The following RPN2 variants were observed in gnomAD, a reference collection of about 807,000 sequenced individuals.
RPN2 encodes ribophorin II.
Under a neutral mutation model 71.4 loss-of-function variants are expected in RPN2, and 29 were observed. That is an observed-to-expected ratio of 0.41 (90% confidence interval 0.30 to 0.55). The LOEUF (loss-of-function observed/expected upper bound fraction) is 0.55. Ranked by LOEUF, RPN2 falls within the 20% of genes least tolerant of loss-of-function variation. RPN2 has a pLI of 0.35. For missense variants in RPN2, 726 were observed against 774.1 expected, an observed-to-expected ratio of 0.94 and a Z score of 0.74; for synonymous variants, 308 against 305.0, an observed-to-expected ratio of 1.01 and a Z score of -0.10.
At chr20:37,224,923 T>C (rs1407149130) in intron 10 of RPN2, among the ~76,000 whole-genome samples, 3 of 152,206 alleles carry the variant, frequency 2.0e-5, no homozygotes, top group East Asian at 1.9e-4. Flanking sequence ...TGTTTAAGAA[T>C]CCACTGAAGA....
chr20:37,238,376 T>C (rs1219291580), intron 16 of RPN2: 1 of 1,582,312 alleles, frequency 6.3e-7, no homozygotes, highest in Non-Finnish European at 8.6e-7. Context: ...CCTTTCTTGA[T>C]TCTCAAACCC....
chr20:37,203,976 C>G lies in RPN2; in HGVS notation c.555+16C>G, dbSNP rs1451595817. 1.3e-6 allele frequency: 2 copies of G among 1,584,112 alleles called. No homozygotes were observed. Among genetic ancestry groups the G allele is most frequent in the East Asian group, 4.5e-5 (2 of 44,762 alleles). ...GGAGATTGAGGTGTGAATCTTTTGCCAAATGCATCTCCCAGCTCCTGTCTT... is the reference window on the plus strand; with the variant it reads ...GGAGATTGAGGTGTGAATCTTTTGCGAAATGCATCTCCCAGCTCCTGTCTT... On this transcript the variant is annotated intron_variant, in intron 5 of 16. Coordinates refer to ENST00000237530, the MANE Select transcript of RPN2 (RefSeq NM_002951.5).
chr20:37,210,837 A>T (rs2146611116), intron 8 of RPN2, among the ~76,000 whole-genome samples: 1 of 151,824 alleles, frequency 6.6e-6, no homozygotes, highest in South Asian at 2.1e-4. Context: ...TGGCCTTGCT[A>T]ACATTTTATA....
intron 6 of RPN2, among the ~76,000 whole-genome samples, chr20:37,205,192 C>G (rs941907539): frequency 6.6e-6 from 1 of 152,002 alleles, no homozygotes; most frequent in African/African-American, 2.4e-5. Flanking sequence ...TTTCATCTCC[C>G]TTTCTTCCCA....
At chr20:37,184,749 G>A (rs888926826) in intron 2 of RPN2, among the ~76,000 whole-genome samples, 1 of 152,162 alleles carries the variant, frequency 6.6e-6, no homozygotes, top group African/African-American at 2.4e-5. Flanking sequence ...CTGAGATCCC[G>A]CCATTGCACT....
chr20:37,199,147 G>A lies in RPN2; in HGVS notation c.401G>A (p.Gly134Asp), dbSNP rs962763966. 6.2e-7 allele frequency: 1 copy of A among 1,614,216 alleles called. No homozygotes were observed. The highest frequency in any genetic ancestry group is 1.1e-5 in the South Asian group (1 of 91,088). Residue 134 changes from glycine to aspartate, a missense_variant, in exon 4 of 17, where the codon GGC becomes GAC. Physicochemically the swap from Gly to Asp is moderately conservative, Grantham distance 94. Transcript: ENST00000237530. ...TACCATGCAGTTGCAGCTCTAAGTGGCTTTGGCCTTCCCTTGGCATCCCAA... is the reference window on the plus strand; with the variant it reads ...TACCATGCAGTTGCAGCTCTAAGTGACTTTGGCCTTCCCTTGGCATCCCAA... ...QIYHAVAALS[G>D]FGLPLASQEA...
chr20:37,209,036 A>T (rs2067589717), intron 7 of RPN2, among the ~76,000 whole-genome samples: 1 of 152,242 alleles, frequency 6.6e-6, no homozygotes, highest in Non-Finnish European at 1.5e-5. Flanking sequence ...AACAAAGTGG[A>T]AAAAGAATTG....
chr20:37,204,708 C>T (rs781763265), intron 5 of RPN2, 59 bp from the exon 6 acceptor site: 159 of 1,594,000 alleles, frequency 1.0e-4, no homozygotes, highest in Non-Finnish European at 1.3e-4. Flanking sequence ...GACAGTGGTT[C>T]GTGCATCTCA....
chr20:37,226,386 T>G lies in RPN2; in HGVS notation c.1299+584T>G, dbSNP rs117278969. 1.1e-4 allele frequency among the ~76,000 whole-genome samples: 17 copies of G among 152,194 alleles called. No individual in the cohort carries two copies. In the East Asian group the frequency reaches 2.7e-3, roughly 24 times the overall value. On this transcript the variant is annotated intron_variant, in intron 11 of 16. Coordinates refer to ENST00000237530, the MANE Select transcript of RPN2 (RefSeq NM_002951.5). ...GACTCGAGGCTTTTTCTTTCTGATT[T>G]AAAAAAGGGAATGTGCTGGCCAGGC...
At chr20:37,226,031 G>A (rs981248758) in intron 11 of RPN2, among the ~76,000 whole-genome samples, 1 of 152,122 alleles carries the variant, frequency 6.6e-6, no homozygotes, top group African/African-American at 2.4e-5. Flanking sequence ...CTGGTATTGA[G>A]GAGAGGTACT....
intron 2 of RPN2, among the ~76,000 whole-genome samples, chr20:37,188,594 G>T (rs6094077): frequency 6.7e-6 from 1 of 148,780 alleles, no homozygotes; most frequent in Admixed American, 6.8e-5. Flanking sequence ...TCTGTCAAGG[G>T]CAGAATTGAT....
At chr20:37,223,282 A>G (rs2068003231) in intron 9 of RPN2, among the ~76,000 whole-genome samples, 2 of 152,232 alleles carry the variant, frequency 1.3e-5, no homozygotes, top group South Asian at 4.1e-4. Flanking sequence ...ACAGATAACT[A>G]CCATGACTGT....
At chr20:37,228,454 G>T (rs2068137870) in intron 11 of RPN2, 96 bp from the exon 12 acceptor site, 1 of 1,209,062 alleles carries the variant, frequency 8.3e-7, no homozygotes, top group Admixed American at 1.8e-5. Flanking sequence ...CTGTGACAAA[G>T]CGCTAATAAC....
At chr20:37,188,993 T>C (rs931640874) in intron 2 of RPN2, among the ~76,000 whole-genome samples, 1 of 151,776 alleles carries the variant, frequency 6.6e-6, no homozygotes, top group African/African-American at 2.4e-5. Context: ...GAGTGCAGTT[T>C]TGTAGTCTTA....
At chr20:37,199,356 T>C in intron 4 of RPN2, 131 bp downstream of exon 4, 6 of 1,152,162 alleles carry the variant, frequency 5.2e-6, no homozygotes, top group Non-Finnish European at 7.5e-6. Flanking sequence ...TGCCAGGTGC[T>C]CTGCAAGGCA....
intron 6 of RPN2, among the ~76,000 whole-genome samples, 163 bp downstream of exon 6, chr20:37,205,064 C>T (rs911206166): frequency 2.0e-5 from 3 of 152,130 alleles, no homozygotes; most frequent in African/African-American, 7.2e-5. Flanking sequence ...AGATGTAATG[C>T]CTGTCTTCAG....
At chr20:37,180,013 A>C (rs913627060) in intron 1 of RPN2, among the ~76,000 whole-genome samples, 1 of 152,238 alleles carries the variant, frequency 6.6e-6, no homozygotes, top group African/African-American at 2.4e-5. Flanking sequence ...CTTCGTGCTT[A>C]GTTTAGAACA....
chr20:37,213,911 G>A (rs6104083), intron 9 of RPN2, 46 bp downstream of exon 9: 2 of 1,346,342 alleles, frequency 1.5e-6, no homozygotes, highest in South Asian at 1.2e-5. Context: ...GTATATCCAA[G>A]GATATGGCCA....
chr20:37,236,188 G>T (rs564289640), intron 15 of RPN2, among the ~76,000 whole-genome samples: 2 of 152,100 alleles, frequency 1.3e-5, no homozygotes, highest in South Asian at 4.1e-4. Flanking sequence ...GACCTCCCAG[G>T]CTCAAGCGAT....
Sources: gnomAD v4.1 joint callset for allele counts (sites outside exome capture counted in the v4.1 genomes callset) on GRCh38, gnomAD v4.1.1 for gene constraint, MANE v1.5 for transcripts, NCBI Gene and HGNC (gene_info 2026-07-23, HGNC 2026-07-21) for gene names.